Variants in PCSK5 observed in about 807,000 individuals in gnomAD.
PCSK5 encodes the protein proprotein convertase subtilisin/kexin type 5, also known as prohormone convertase 5.
A neutral mutation model predicts 233.2 loss-of-function variants in PCSK5; 129 were observed. That is an observed-to-expected ratio of 0.55 (90% CI 0.48 to 0.64). The LOEUF is 0.64. Ranked by LOEUF, PCSK5 falls within the 30% of genes least tolerant of loss-of-function variation. The pLI is 0.00. For synonymous variants in PCSK5, 825 were observed against 879.2 expected, an observed-to-expected ratio of 0.94 and a Z score of 1.09; for missense variants, 2,076 against 2,430.1, an observed-to-expected ratio of 0.85 and a Z score of 3.06.
chr9:76,004,758 T>C (rs1440742953), intron 3 of PCSK5, among the ~76,000 whole-genome samples: 1 of 152,218 alleles, frequency 6.6e-6, no homozygotes, highest in African/African-American at 2.4e-5. Context: ...ACCTTTCAAG[T>C]TGACTCCTGT....
At chr9:76,048,944 G>GT (rs1452800048) in intron 5 of PCSK5, among the ~76,000 whole-genome samples, 1 of 152,064 alleles carries the variant, frequency 6.6e-6, no homozygotes, top group African/African-American at 2.4e-5. Context: ...AGAAGCATGT[G>GT]TTTTTTGGTT....
At chr9:76,071,072 G>A (rs113462631) in intron 6 of PCSK5, among the ~76,000 whole-genome samples, 85 of 152,100 alleles carry the variant, frequency 5.6e-4, no homozygotes, top group African/African-American at 2.0e-3. Flanking sequence ...TTGCAAAATA[G>A]GGTTAATAGT....
intron 24 of PCSK5, among the ~76,000 whole-genome samples, chr9:76,289,280 T>C (rs1828190064): frequency 6.6e-6 from 1 of 152,120 alleles, no homozygotes; most frequent in Admixed American, 6.5e-5. Flanking sequence ...AAGACTTTTT[T>C]CCAAATGTGT....
At chr9:76,187,711 G>T (rs528831787) in intron 17 of PCSK5, among the ~76,000 whole-genome samples, 1 of 152,148 alleles carries the variant, frequency 6.6e-6, no homozygotes, top group African/African-American at 2.4e-5. Context: ...GAATTAGCCT[G>T]TAGACTGTGA....
At chr9:76,237,957 T>C (rs1227049225) in intron 22 of PCSK5, among the ~76,000 whole-genome samples, 4 of 152,224 alleles carry the variant, frequency 2.6e-5, no homozygotes, top group Non-Finnish European at 4.4e-5. Flanking sequence ...GTGCTATCTT[T>C]ATCCACAAAT....
intron 5 of PCSK5, among the ~76,000 whole-genome samples, chr9:76,040,842 A>G (rs1264629800): frequency 1.3e-5 from 2 of 152,244 alleles, no homozygotes; most frequent in Non-Finnish European, 2.9e-5. Flanking sequence ...AGGATTTCTG[A>G]ATACCTAGTA....
At chr9:76,148,881 C>T (rs535207223) in intron 10 of PCSK5, among the ~76,000 whole-genome samples, 13 of 152,202 alleles carry the variant, frequency 8.5e-5, no homozygotes, top group Non-Finnish European at 1.8e-4. Context: ...TTTCCTTGAT[C>T]GTTGGCCCTC....
Position 76,239,083 on chromosome 9 carries a change from C to T in PCSK5, c.2991C>T (p.Ser997=), listed in dbSNP as rs769323967. 5.6e-6 allele frequency: 9 copies of T among 1,609,420 alleles called. No individual in the cohort carries two copies. The highest frequency in any genetic ancestry group is 1.3e-5 in the African/African-American group (1 of 74,904). ...CAGACAACTGTGAGCTTTGCCACAGCGTGCATGTCTGCACAAGATGCATGA... is the reference window on the plus strand; with the variant it reads ...CAGACAACTGTGAGCTTTGCCACAGTGTGCATGTCTGCACAAGATGCATGA... ...PCPDNCELCH[S]VHVCTRCMKG... is the part of the protein sequence containing the mutation. Residue 997 remains serine, a synonymous_variant, in exon 23 of 38, where the codon AGC becomes AGT. Coordinates refer to ENST00000674117, the MANE Select transcript of PCSK5 (RefSeq NM_001372043.1).
chr9:76,163,787 A>C (rs1245436156), intron 12 of PCSK5, among the ~76,000 whole-genome samples: 1 of 152,076 alleles, frequency 6.6e-6, no homozygotes, highest in African/African-American at 2.4e-5. Context: ...CCTGTGTCAA[A>C]ATTTTTCAAA....
chr9:75,952,526 T>C (rs1188458817), intron 2 of PCSK5, among the ~76,000 whole-genome samples: 2 of 152,204 alleles, frequency 1.3e-5, no homozygotes, highest in African/African-American at 4.8e-5. Flanking sequence ...TTTTGACAAA[T>C]GTATATAGTT....
chr9:76,204,147 C>G (rs547629713), intron 20 of PCSK5, among the ~76,000 whole-genome samples: 1 of 152,244 alleles, frequency 6.6e-6, no homozygotes, highest in Admixed American at 6.5e-5. Context: ...AATCCATCAC[C>G]CAGCTAGTTA....
rs546898061 is a variant in PCSK5, at chr9:76,124,139, T to C, written c.1209-9970T>C. Among the ~76,000 whole-genome samples the C allele has an allele frequency of 2.6e-5, 4 of 152,260 alleles. No individual in the cohort carries two copies. In the East Asian group the frequency reaches 7.7e-4, roughly 29 times the overall value. ...GCTTCAGAGCCTGGGCCCTGAAGTA[T>C]ATGAGAAACCTGCCTTCAAATTCCT... On this transcript the variant is annotated intron_variant, in intron 9 of 37. Coordinates refer to ENST00000674117, the MANE Select transcript of PCSK5 (RefSeq NM_001372043.1).
chr9:76,182,015 G>C (rs10869722), intron 16 of PCSK5, among the ~76,000 whole-genome samples: 69,421 of 152,062 alleles, frequency 0.46, 16,482 homozygotes, highest in Middle Eastern at 0.6. Flanking sequence ...TCAGGGCCCA[G>C]GGTTGTCACT....
At chr9:75,915,677 A>G (rs1289961309) in intron 1 of PCSK5, among the ~76,000 whole-genome samples, 2 of 152,240 alleles carry the variant, frequency 1.3e-5, no homozygotes, top group Non-Finnish European at 2.9e-5. Flanking sequence ...ATTAATTTTT[A>G]GTGGTGTAGA....
chr9:76,341,893 A>G (rs1455586597), intron 35 of PCSK5, among the ~76,000 whole-genome samples: 1 of 152,140 alleles, frequency 6.6e-6, no homozygotes, highest in African/African-American at 2.4e-5. Context: ...CAGAGTCCCA[A>G]CATGACTCCT....
At position 76,117,283 on chromosome 9, in the gene PCSK5, A is replaced by G. The variant is rs551538545; in HGVS notation, c.1208+9932A>G. Among the ~76,000 whole-genome samples, 7 of 152,240 alleles carry G rather than the reference A, an allele frequency of 4.6e-5. No homozygotes were observed. In the East Asian group the frequency reaches 7.7e-4, roughly 17 times the overall value. Reference sequence around the variant, plus strand: ...GTGTGAGGCCTTGAACTTGGCTCCAATAGAGCCTACATTTCAGTCAAGGGA... The same window carrying G: ...GTGTGAGGCCTTGAACTTGGCTCCAGTAGAGCCTACATTTCAGTCAAGGGA... On this transcript the variant is annotated intron_variant, in intron 9 of 37. Coordinates refer to ENST00000674117, the MANE Select transcript of PCSK5 (RefSeq NM_001372043.1).
rs559842299 is a variant in PCSK5, at chr9:76,095,362, A to G, written c.895-528A>G. On this transcript the variant is annotated intron_variant, in intron 7 of 37. Transcript: ENST00000674117. ...AAATGAGGGTGCATAATAGCACCCA[A>G]TTCATGGCAGATTTGAAGATTTTAA... 3.3e-5 allele frequency among the ~76,000 whole-genome samples: 5 copies of G among 152,344 alleles called. No individual in the cohort carries two copies. The East Asian group carries it at 7.7e-4, about 24-fold the overall frequency.
At chr9:76,268,511 A>G (rs1458123200) in intron 24 of PCSK5, among the ~76,000 whole-genome samples, 3 of 152,170 alleles carry the variant, frequency 2.0e-5, no homozygotes, top group East Asian at 3.9e-4. Context: ...CCCAGTCTGT[A>G]GTATAAGGAG....
chr9:75,959,485 A>T (rs1055259048), intron 2 of PCSK5, among the ~76,000 whole-genome samples: 1 of 152,156 alleles, frequency 6.6e-6, no homozygotes, highest in Non-Finnish European at 1.5e-5. Flanking sequence ...AGACTACAGG[A>T]TGTCATGCTC....
Sources: gnomAD v4.1 joint callset for allele counts (sites outside exome capture counted in the v4.1 genomes callset) on GRCh38, gnomAD v4.1.1 for gene constraint, MANE v1.5 for transcripts, NCBI Gene and HGNC (gene_info 2026-07-23, HGNC 2026-07-21) for gene names.